Variants in USP49 observed in about 807,000 individuals in gnomAD.
USP49 encodes the protein ubiquitin specific peptidase 49, also known as ubiquitin carboxyl-terminal hydrolase 49.
A neutral mutation model predicts 58.6 loss-of-function variants in USP49; 24 were observed. That is an observed-to-expected ratio of 0.41 (90% CI 0.30 to 0.58). The LOEUF (loss-of-function observed/expected upper bound fraction) is 0.58. Ranked by LOEUF, USP49 falls within the 20% of genes least tolerant of loss-of-function variation. The pLI is 0.30. For synonymous variants in USP49, 408 were observed against 365.1 expected (o/e 1.12, Z -1.34); for missense variants, 703 against 866.1 (o/e 0.81, Z 2.36).
intron 3 of USP49, among the ~76,000 whole-genome samples, chr6:41,836,418 C>T (rs180996891): frequency 1.7e-3 from 265 of 152,102 alleles, no homozygotes; most frequent in African/African-American, 6.1e-3. Context: ...CAACATCATA[C>T]GGTATGGGTA....
chr6:41,817,150 C>CTTTTTTTTTTTTTTTTTTTT lies in USP49; in HGVS notation c.-28-10140_-28-10139insAAAAAAAAAAAAAAAAAAAA, dbSNP rs34281670. On this transcript the variant is annotated intron_variant, in intron 3 of 7. Coordinates refer to ENST00000682992, the MANE Select transcript of USP49 (RefSeq NM_001286554.2). ...CCACCACGCCTGGCTCCCACGCATG[C>CTTTTTTTTTTTTTTTTTTTT]TTTTTTTTTTTTTTTTTGAGACAGA... is the stretch of plus-strand genomic sequence containing the variant. Among the ~76,000 whole-genome samples the CTTTTTTTTTTTTTTTTTTTT allele has an allele frequency of 9.9e-4, 103 of 104,326 alleles. 5 individuals are homozygous for CTTTTTTTTTTTTTTTTTTTT. Among genetic ancestry groups the CTTTTTTTTTTTTTTTTTTTT allele is most frequent in the African/African-American group, 2.8e-3 (64 of 22,548 alleles). 68.4% of individuals were successfully genotyped at this position (104,326 alleles called of 152,430 possible). A position where few individuals can be genotyped will look rare whatever the true frequency, so the allele number is the denominator to read the frequency against.
chr6:41,864,598 T>G (rs1207787169), intron 3 of USP49, among the ~76,000 whole-genome samples: 1 of 151,984 alleles, frequency 6.6e-6, no homozygotes, highest in Non-Finnish European at 1.5e-5. Flanking sequence ...TTTCACACCT[T>G]CAATGAAGGG....
intron 3 of USP49, among the ~76,000 whole-genome samples, chr6:41,816,100 TTTTG>T (rs751255078): frequency 3.9e-5 from 6 of 152,184 alleles, no homozygotes; most frequent in Non-Finnish European, 8.8e-5. Context: ...CTCTGCTCTC[TTTTG>T]TTTGCTTCCT....
At position 41,798,877 on chromosome 6, in the gene USP49, G is replaced by T. The variant is rs2127317437; in HGVS notation, c.1723C>A (p.Gln575Lys). The T allele has an allele frequency of 6.2e-7, 1 of 1,613,890 alleles. No individual in the cohort carries two copies. The highest frequency in any genetic ancestry group is 1.1e-5 in the South Asian group (1 of 91,060). ...EKIGVHVVFD[Q>K]VLTMEPYCCR... is the part of the protein sequence containing the mutation. ...CAGTAAGGTTCCATGGTTAATACCT[G>T]GTCAAAGACGACATGGACCCCAATC... Residue 575 changes from glutamine (Q) to lysine (K), a missense_variant, in exon 7 of 8, where the codon CAG becomes AAG. Transcript: ENST00000682992.
intron 7 of USP49, 24 bp downstream of exon 7, chr6:41,798,700 C>A: frequency 6.2e-7 from 1 of 1,613,992 alleles, no homozygotes; most frequent in Non-Finnish European, 8.5e-7. Context: ...GTGTCCCCCA[C>A]CCCACAGAGT....
At chr6:41,892,679 A>T (rs1774829351) in intron 1 of USP49, among the ~76,000 whole-genome samples, 1 of 152,214 alleles carries the variant, frequency 6.6e-6, no homozygotes, top group African/African-American at 2.4e-5. Flanking sequence ...TAACTACTAC[A>T]AAAGTCATAA....
intron 3 of USP49, among the ~76,000 whole-genome samples, chr6:41,831,430 A>G (rs186056502): frequency 1.3e-3 from 192 of 151,836 alleles, no homozygotes; most frequent in African/African-American, 4.5e-3. Context: ...AATACAAAAA[A>G]TTAGCTGGGC....
At chr6:41,819,016 G>T (rs866310756) in intron 3 of USP49, among the ~76,000 whole-genome samples, 1 of 151,922 alleles carries the variant, frequency 6.6e-6, no homozygotes, top group Non-Finnish European at 1.5e-5. Flanking sequence ...GGGGATAAAA[G>T]TCTGTACAGA....
At chr6:41,836,832 T>C (rs528634052) in intron 3 of USP49, among the ~76,000 whole-genome samples, 11 of 151,240 alleles carry the variant, frequency 7.3e-5, no homozygotes, top group Non-Finnish European at 1.5e-4. Context: ...AAGAGTATGA[T>C]CTCATTCAGA....
intron 3 of USP49, among the ~76,000 whole-genome samples, chr6:41,848,777 C>T (rs911970051): frequency 6.6e-6 from 1 of 151,562 alleles, no homozygotes; most frequent in African/African-American, 2.4e-5. Flanking sequence ...ATGGTGTGAA[C>T]CCGGGAGGCA....
rs1368592529 is a variant in USP49, at chr6:41,794,111, A to C, written c.*2422T>G. The C allele has an allele frequency of 6.6e-6, 1 of 152,262 alleles. No homozygotes were observed. Among genetic ancestry groups the C allele is most frequent in the East Asian group, 1.9e-4 (1 of 5,204 alleles). The allele number at this position is 152,262 out of a possible 1,614,324, so 9.4% of individuals were successfully genotyped here. A position where few individuals can be genotyped will look rare whatever the true frequency, so the allele number is the denominator to read the frequency against. ...GCAGCAGGGAACTCTTCTTTAATAA[A>C]AATCTCCTTAAATACTAACGTCCTA... On this transcript the variant is annotated 3_prime_UTR_variant, in exon 8 of 8. Coordinates refer to ENST00000682992, the MANE Select transcript of USP49 (RefSeq NM_001286554.2).
At chr6:41,798,475 C>T in intron 7 of USP49, 1 of 1,059,458 alleles carries the variant, frequency 9.4e-7, no homozygotes, top group Admixed American at 3.1e-5. Flanking sequence ...GGGGTTTAAC[C>T]ATGTTGGCCA....
intron 3 of USP49, among the ~76,000 whole-genome samples, chr6:41,843,551 T>C (rs1773865879): frequency 6.6e-6 from 1 of 152,046 alleles, no homozygotes; most frequent in Admixed American, 6.6e-5. Context: ...GAGGCTGAGC[T>C]GGGAGGATCG....
chr6:41,876,075 G>A (rs977978407), intron 2 of USP49, among the ~76,000 whole-genome samples: 6 of 152,080 alleles, frequency 3.9e-5, no homozygotes, highest in African/African-American at 1.2e-4. Context: ...AATGTCTTAC[G>A]ACAAAAAGTC....
At position 41,810,713 on chromosome 6, in the gene USP49, A is replaced by C. The variant is rs1176153134; in HGVS notation, c.-28-3702T>G. Among the ~76,000 whole-genome samples the C allele has an allele frequency of 5.3e-5, 8 of 150,656 alleles. No individual in the cohort carries two copies. The East Asian group carries it at 1.6e-3, about 31-fold the overall frequency. On this transcript the variant is annotated intron_variant, in intron 3 of 7. Transcript: ENST00000682992. The stretch of plus-strand genomic sequence containing the variant: ...AGGCAAGGGCCACCACACCCAGCTA[A>C]TTTTTGTATTTTTAGTAGATATGGG...
intron 2 of USP49, among the ~76,000 whole-genome samples, chr6:41,879,067 T>C (rs987837041): frequency 6.6e-6 from 1 of 152,212 alleles, no homozygotes; most frequent in Non-Finnish European, 1.5e-5. Flanking sequence ...CAACTATGAA[T>C]CTGCACTCAT....
At position 41,791,032 on chromosome 6, in the gene USP49, T is replaced by C. The variant is rs1454169130; in HGVS notation, c.*5501A>G. On this transcript the variant is annotated 3_prime_UTR_variant, in exon 8 of 8. Transcript: ENST00000682992. ...CAAGAAATACCAGCACCTCCTGTTC[T>C]TTATAGGAATGAAACTTAGATCCTT... 1 of 152,210 alleles carries C rather than the reference T, an allele frequency of 6.6e-6. No homozygotes were observed. Among genetic ancestry groups the C allele is most frequent in the Non-Finnish European group, 1.5e-5 (1 of 68,040 alleles). The allele number at this position is 152,210 out of a possible 1,614,324, so 9.4% of individuals were successfully genotyped here.
Position 41,806,831 on chromosome 6 carries a change from C to G in USP49, c.153G>C (p.Glu51Asp), listed in dbSNP as rs775919140. 4 of 1,614,078 alleles carry G rather than the reference C, an allele frequency of 2.5e-6. No homozygotes were observed. Among genetic ancestry groups the G allele is most frequent in the South Asian group, 2.2e-5 (2 of 91,076 alleles). ...CSHVACGRYI[E>D]DHALKHFEET... ...CCTCAAAGTGTTTCAGGGCGTGGTC[C>G]TCAATATAGCGGCCGCAGGCCACGT... Residue 51 changes from glutamate to aspartate, a missense_variant, in exon 4 of 8, where the codon GAG becomes GAC. Transcript: ENST00000682992. This position sits in a 1 kb window ranked among gnomAD's most constrained non-coding sequence, Gnocchi z 5.9.
intron 3 of USP49, among the ~76,000 whole-genome samples, chr6:41,842,427 C>T (rs1773843317): frequency 6.6e-6 from 1 of 152,068 alleles, no homozygotes; most frequent in South Asian, 2.1e-4. Context: ...GTTCAATCAC[C>T]AGTATTATTT....
Sources: allele counts gnomAD v4.1 joint callset (sites outside exome capture counted in the v4.1 genomes callset), GRCh38; gene constraint gnomAD v4.1.1; non-coding constraint Gnocchi (gnomAD v3.1); transcripts MANE v1.5; gene names NCBI Gene and HGNC (gene_info 2026-07-23, HGNC 2026-07-21).